The following ABITRAM variants were observed in gnomAD, a reference collection of about 807,000 sequenced individuals.
ABITRAM encodes protein Abitram.
ABITRAM carries 19 observed loss-of-function variants against 22.9 expected under a neutral mutation model. The observed-to-expected ratio is 0.83, with a 90% CI of 0.58 to 1.22. The LOEUF is 1.22. ABITRAM is among the 50% of genes most tolerant of loss of function. ABITRAM has a pLI of 0.00. For missense variants in ABITRAM, 215 were observed against 220.2 expected (o/e 0.98, Z 0.15); for synonymous variants, 70 against 73.9 (o/e 0.95, Z 0.27).
downstream of ABITRAM, chr9:108,943,570 T>A: frequency 1.4e-6 from 1 of 704,492 alleles, no homozygotes; most frequent in Non-Finnish European, 2.3e-6. Context: ...AGATAATAAA[T>A]GATTCTTGTA....
chr9:108,941,221 C>T (rs1374568684), downstream of ABITRAM, among the ~76,000 whole-genome samples: 1 of 152,116 alleles, frequency 6.6e-6, no homozygotes, highest in Non-Finnish European at 1.5e-5. Flanking sequence ...GCCAGCATGA[C>T]TATCCCCCTA....
chr9:108,947,366 G>A (rs1270116487), intron 3 of ABITRAM, among the ~76,000 whole-genome samples: 1 of 152,048 alleles, frequency 6.6e-6, no homozygotes, highest in East Asian at 1.9e-4. Context: ...ACCCACCTTG[G>A]CCTCCCAAAG....
At chr9:108,945,802 T>C (rs926892900), downstream of ABITRAM, among the ~76,000 whole-genome samples, 15 of 152,122 alleles carry the variant, frequency 9.9e-5, no homozygotes, top group African/African-American at 3.6e-4. Flanking sequence ...ATATTTTCAA[T>C]CCATAGTTGG....
chr9:108,950,526 AG>A lies in ABITRAM; in HGVS notation c.283del (p.Val95Ter), dbSNP rs769249262. 23 of 1,550,224 alleles carry A rather than the reference AG, an allele frequency of 1.5e-5. No homozygotes were observed. The highest frequency in any genetic ancestry group is 1.9e-5 in the Non-Finnish European group (22 of 1,146,896). On this transcript the variant is annotated frameshift_variant, in exon 4 of 4. Coordinates refer to the ABITRAM transcript ENST00000374624. LOFTEE classifies it low-confidence loss of function (END_TRUNC). Reference sequence around the variant, plus strand: ...TTCCAGAGAATTATCTATCTAGAAAAGGTAGAAGACGTCATCAAGAGGAAAA... The same window carrying A: ...TTCCAGAGAATTATCTATCTAGAAAAGTAGAAGACGTCATCAAGAGGAAAA...
rs1178051923 is a variant in ABITRAM at position 108,940,072 on chromosome 9, C to T, written c.*386C>T. 1 of 172,248 alleles carries T rather than the reference C, an allele frequency of 5.8e-6. No homozygotes were observed. The highest frequency in any genetic ancestry group is 2.4e-5 in the African/African-American group (1 of 41,982). 10.7% of individuals were successfully genotyped at this position (172,248 alleles called of 1,614,324 possible). A position where few individuals can be genotyped will look rare whatever the true frequency, so the allele number is the denominator to read the frequency against. ...ATAATCCAGAAGTAAATACATTTGACCCTTGAGCAACATAGGTTTGAACTG... is the reference window on the plus strand; with the variant it reads ...ATAATCCAGAAGTAAATACATTTGATCCTTGAGCAACATAGGTTTGAACTG... On this transcript the variant is annotated 3_prime_UTR_variant, in exon 6 of 6. Coordinates refer to ENST00000322940, the MANE Select transcript of ABITRAM (RefSeq NM_017832.4).
At chr9:108,938,871 G>C (rs974266831) in intron 3 of ABITRAM, among the ~76,000 whole-genome samples, 1 of 151,974 alleles carries the variant, frequency 6.6e-6, no homozygotes, top group African/African-American at 2.4e-5. Context: ...GTTTCTTGTT[G>C]ATGGATTTTC....
downstream of ABITRAM, among the ~76,000 whole-genome samples, chr9:108,941,356 G>A (rs373983148): frequency 1.6e-4 from 25 of 152,162 alleles, no homozygotes; most frequent in Admixed American, 3.3e-4. Context: ...TCTTGAAGGC[G>A]TCATAAAACT....
At chr9:108,947,504 C>T (rs573317205) in intron 3 of ABITRAM, among the ~76,000 whole-genome samples, 2 of 152,304 alleles carry the variant, frequency 1.3e-5, no homozygotes, top group South Asian at 2.1e-4. Flanking sequence ...CAAATTTACA[C>T]ACAAGAATGC....
intron 3 of ABITRAM, among the ~76,000 whole-genome samples, chr9:108,949,533 C>T (rs370808756): frequency 8.0e-4 from 122 of 152,130 alleles, no homozygotes; most frequent in Admixed American, 5.8e-3. Flanking sequence ...CACAGCGAAA[C>T]GCTATCTCTA....
rs745918490 is a variant in ABITRAM at position 108,936,352 on chromosome 9, G to A, written c.176G>A (p.Ser59Asn). ...TLAESHPVLQ[S>N]GKTIKSISYQ... ...GCAGAATCTCATCCAGTTCTTCAAA[G>A]TGGAAAAACAATTAAAAGCATTTCC... Residue 59 changes from serine (S) to asparagine (N), a missense_variant, in exon 3 of 6, where the codon AGT becomes AAT. By Grantham distance (46) the Ser-to-Asn change is conservative. Transcript: ENST00000322940. 9 of 1,613,952 alleles carry A rather than the reference G, an allele frequency of 5.6e-6. No individual in the cohort carries two copies. The highest frequency in any genetic ancestry group is 7.6e-6 in the Non-Finnish European group (9 of 1,179,942).
downstream of ABITRAM, among the ~76,000 whole-genome samples, chr9:108,945,463 CTT>C (rs578073650): frequency 3.0e-4 from 41 of 135,380 alleles, no homozygotes; most frequent in Non-Finnish European, 4.0e-4. Flanking sequence ...GGTTTTCTTC[CTT>C]TTTTTTTTTT....
rs780168080 is a variant in ABITRAM, at chr9:108,939,242, G to C, written c.308G>C (p.Cys103Ser). The C allele has an allele frequency of 5.6e-6, 9 of 1,613,844 alleles. 1 individual carries two copies. The Admixed American group carries it at 1.5e-4, about 27-fold the overall frequency. Residue 103 changes from cysteine to serine, a missense_variant, in exon 4 of 6, where the codon TGC becomes TCC. By Grantham distance (112) the Cys-to-Ser change is moderately radical. Coordinates refer to ENST00000322940, the MANE Select transcript of ABITRAM (RefSeq NM_017832.4). ...TELAPLCKIY[C>S]SDGEEYTVSS... is the part of the protein sequence containing the mutation. ...CTTGCACCTCTCTGTAAGATTTACT[G>C]CTCAGATGGTGAAGAATATACTGTG...
chr9:108,939,226 C>G lies in ABITRAM; in HGVS notation c.292C>G (p.Leu98Val). The G allele has an allele frequency of 6.2e-7, 1 of 1,613,938 alleles. No individual in the cohort carries two copies. Among genetic ancestry groups the G allele is most frequent in the Non-Finnish European group, 8.5e-7 (1 of 1,179,934 alleles). ...GAQFLTELAP[L>V]CKIYCSDGEE... ...ACAGTTTCTAACAGAGCTTGCACCT[C>G]TCTGTAAGATTTACTGCTCAGATGG... The change falls in exon 4 of 6, where the codon CTC becomes GTC. Residue 98 changes from leucine to valine, a missense_variant. Transcript: ENST00000322940.
rs771095283 is a variant in ABITRAM, at chr9:108,936,345, C to T, written c.169C>T (p.Leu57Phe). 1.5e-5 allele frequency: 24 copies of T among 1,613,936 alleles called. No homozygotes were observed. Among genetic ancestry groups the T allele is most frequent in the Non-Finnish European group, 1.9e-5 (23 of 1,179,950 alleles). ...VITLAESHPVLQSGKTIKSIS... is the reference protein window; with the variant it reads ...VITLAESHPVFQSGKTIKSIS... The stretch of plus-strand genomic sequence containing the variant: ...CACATTGGCAGAATCTCATCCAGTT[C>T]TTCAAAGTGGAAAAACAATTAAAAG... Residue 57 changes from leucine to phenylalanine, a missense_variant, in exon 3 of 6, where the codon CTT becomes TTT. Transcript: ENST00000322940.
chr9:108,945,508 G>A (rs1026125892), downstream of ABITRAM, among the ~76,000 whole-genome samples: 2 of 147,878 alleles, frequency 1.4e-5, no homozygotes, highest in African/African-American at 2.5e-5. Context: ...GTTGTCCAGA[G>A]TGAAGTGAAG....
At chr9:108,948,081 A>C in intron 3 of ABITRAM, 1 of 1,273,716 alleles carries the variant, frequency 7.9e-7, no homozygotes, top group Non-Finnish European at 1.1e-6. Flanking sequence ...AGGTAGGTAC[A>C]GATGTAAGCA....
At chr9:108,947,627 G>GATTCT (rs1830444978) in intron 3 of ABITRAM, among the ~76,000 whole-genome samples, 1 of 152,210 alleles carries the variant, frequency 6.6e-6, no homozygotes, top group Admixed American at 6.5e-5. Flanking sequence ...TAGAATTACA[G>GATTCT]ATGGGCCTAT....
downstream of ABITRAM, chr9:108,942,749 G>A (rs1461689678): frequency 6.8e-7 from 1 of 1,478,758 alleles, no homozygotes; most frequent in Admixed American, 1.7e-5. Flanking sequence ...ATGTTCCAGA[G>A]ATCTGACCCC....
intron 3 of ABITRAM, among the ~76,000 whole-genome samples, chr9:108,938,232 A>G (rs1830211873): frequency 6.6e-6 from 1 of 152,218 alleles, no homozygotes; most frequent in Non-Finnish European, 1.5e-5. Flanking sequence ...AGAAAGTCAC[A>G]ATGACTCTAG....
Sources: allele counts gnomAD v4.1 joint callset (sites outside exome capture counted in the v4.1 genomes callset), GRCh38; gene constraint gnomAD v4.1.1; transcripts MANE v1.5; gene names NCBI Gene and HGNC (gene_info 2026-07-23, HGNC 2026-07-21).